The following FANK1 variants were observed in gnomAD, a reference collection of about 807,000 sequenced individuals.
The protein encoded by FANK1 is fibronectin type III and ankyrin repeat domains 1, also known as fibronectin type 3 and ankyrin repeat domains protein 1.
Under a neutral mutation model 45.3 loss-of-function variants are expected in FANK1, and 44 were observed. That is an observed-to-expected ratio of 0.97 (90% CI 0.76 to 1.25). The LOEUF is 1.25. FANK1 is among the 50% of genes most tolerant of loss of function. FANK1 has a pLI of 0.00. For missense variants in FANK1, 391 were observed against 424.4 expected (o/e 0.92, Z 0.69); for synonymous variants, 149 against 152.5 (o/e 0.98, Z 0.17).
At position 126,009,229 on chromosome 10, in the gene FANK1, A is replaced by G. The variant is rs1338474772; in HGVS notation, c.935A>G (p.Lys312Arg). The G allele has an allele frequency of 6.2e-7, 1 of 1,614,156 alleles. No individual in the cohort carries two copies. The highest frequency in any genetic ancestry group is 8.5e-7 in the Non-Finnish European group (1 of 1,180,026). Residue 312 changes from lysine to arginine, a missense_variant, in exon 10 of 11, where the codon AAA becomes AGA. Physicochemically the swap from Lys to Arg is conservative, Grantham distance 26 (BLOSUM62 2). Transcript: ENST00000368693. Reference sequence around the variant, plus strand: ...TGTTGTTTCCTGTTTCAGTTCGGCAAAGGTGTCCTAGAAATGGCCAGAGTT... The same window carrying G: ...TGTTGTTTCCTGTTTCAGTTCGGCAGAGGTGTCCTAGAAATGGCCAGAGTT... Reference protein sequence around the residue: ...ADASVKNEFGKGVLEMARVFD... With the variant: ...ADASVKNEFGRGVLEMARVFD...
chr10:125,909,183 C>A (rs1486823373), intron 1 of FANK1, among the ~76,000 whole-genome samples: 1 of 152,098 alleles, frequency 6.6e-6, no homozygotes, highest in Non-Finnish European at 1.5e-5. Flanking sequence ...TGGAAGCTGC[C>A]ATGTGTTTTA....
At chr10:126,007,600 A>G (rs1953317347) in intron 7 of FANK1, among the ~76,000 whole-genome samples, 1 of 152,084 alleles carries the variant, frequency 6.6e-6, no homozygotes, top group South Asian at 2.1e-4. Context: ...AAAGCTATGG[A>G]TCATCTTTGA....
At chr10:125,957,506 T>C (rs372920932) in intron 1 of FANK1, among the ~76,000 whole-genome samples, 16 of 152,046 alleles carry the variant, frequency 1.1e-4, no homozygotes, top group African/African-American at 3.1e-4. Context: ...GCTTGGTTTA[T>C]GTTAAGCTTT....
intron 1 of FANK1, among the ~76,000 whole-genome samples, chr10:125,903,255 C>G (rs1945197571): frequency 6.6e-6 from 1 of 152,242 alleles, no homozygotes; most frequent in Admixed American, 6.5e-5. Flanking sequence ...CAGCATCATC[C>G]CAGAATGACC....
At chr10:125,974,818 T>C (rs1031234461) in intron 1 of FANK1, 2 of 152,240 alleles carry the variant, frequency 1.3e-5, no homozygotes, top group African/African-American at 2.4e-5. Flanking sequence ...ACTGTAGTAA[T>C]GTCCTATGTG....
At chr10:125,942,792 C>G (rs1315522635) in intron 1 of FANK1, among the ~76,000 whole-genome samples, 6 of 146,616 alleles carry the variant, frequency 4.1e-5, no homozygotes, top group Non-Finnish European at 7.5e-5. Context: ...TTCATTAGAT[C>G]TGAAATTTTT....
chr10:125,913,771 G>T (rs1397848783), intron 1 of FANK1, among the ~76,000 whole-genome samples: 1 of 152,192 alleles, frequency 6.6e-6, no homozygotes, highest in Non-Finnish European at 1.5e-5. Flanking sequence ...TATCAGGGGA[G>T]GCTGAGACCC....
At chr10:125,955,769 G>A (rs893055068) in intron 1 of FANK1, among the ~76,000 whole-genome samples, 4 of 152,112 alleles carry the variant, frequency 2.6e-5, no homozygotes, top group Non-Finnish European at 5.9e-5. Context: ...ACTGTGCCTG[G>A]CCCCATCTTA....
intron 7 of FANK1, among the ~76,000 whole-genome samples, chr10:126,007,805 T>C (rs1232824170): frequency 6.6e-6 from 1 of 152,272 alleles, no homozygotes; most frequent in Non-Finnish European, 1.5e-5. Flanking sequence ...ATTTACATTT[T>C]CTTAATCTAA....
intron 1 of FANK1, among the ~76,000 whole-genome samples, chr10:125,934,273 CTG>C (rs1469168465): frequency 1.3e-5 from 2 of 152,106 alleles, no homozygotes; most frequent in Admixed American, 6.5e-5. Context: ...AGCAGGAAGA[CTG>C]TTTTTATAAT....
intron 1 of FANK1, among the ~76,000 whole-genome samples, chr10:125,910,822 TAGG>T (rs1369434267): frequency 1.3e-5 from 2 of 151,942 alleles, no homozygotes; most frequent in Non-Finnish European, 2.9e-5. Flanking sequence ...ATCATGAGGT[TAGG>T]AGATTGAGAC....
chr10:125,987,175 G>A (rs532563042), intron 2 of FANK1, among the ~76,000 whole-genome samples: 1 of 152,258 alleles, frequency 6.6e-6, no homozygotes, highest in South Asian at 2.1e-4. Flanking sequence ...TCAACTCAGT[G>A]TTGACAGGTT....
chr10:126,007,759 A>T (rs1953341298), intron 7 of FANK1, among the ~76,000 whole-genome samples: 1 of 152,188 alleles, frequency 6.6e-6, no homozygotes, highest in South Asian at 2.1e-4. Flanking sequence ...CTCTTCATGG[A>T]TTGGCGATGT....
chr10:125,973,509 T>C (rs1448763590), intron 1 of FANK1: 6 of 968,448 alleles, frequency 6.2e-6, no homozygotes, highest in African/African-American at 5.3e-5. Context: ...AGTGTCTGGT[T>C]CAGTAGTTCC....
At chr10:126,008,571 T>G in intron 8 of FANK1, 21 bp downstream of exon 8, 2 of 1,591,656 alleles carry the variant, frequency 1.3e-6, no homozygotes, top group Non-Finnish European at 1.7e-6. Context: ...CTCCCGAAAA[T>G]AGGCAGTTTT....
intron 1 of FANK1, among the ~76,000 whole-genome samples, chr10:125,958,902 CA>C (rs1227053851): frequency 3.9e-5 from 6 of 152,110 alleles, no homozygotes; most frequent in Non-Finnish European, 8.8e-5. Flanking sequence ...TTGAATTAAG[CA>C]GAAATTTTAT....
At chr10:125,960,375 T>A in intron 1 of FANK1, 1 of 201,806 alleles carries the variant, frequency 5.0e-6, no homozygotes. Context: ...CACCAGGCGC[T>A]GCAGGGCACT....
intron 1 of FANK1, among the ~76,000 whole-genome samples, chr10:125,946,625 C>T (rs1178766322): frequency 1.3e-5 from 2 of 150,612 alleles, no homozygotes; most frequent in African/African-American, 4.9e-5. Context: ...ACCAAATCTA[C>T]GTCTGATTGG....
chr10:125,910,914 G>T (rs1043858246), intron 1 of FANK1, among the ~76,000 whole-genome samples: 1 of 151,806 alleles, frequency 6.6e-6, no homozygotes, highest in African/African-American at 2.4e-5. Context: ...TGTGCCTGTA[G>T]TTCCAGTTAC....
Sources: allele counts gnomAD v4.1 joint callset (sites outside exome capture counted in the v4.1 genomes callset), GRCh38; gene constraint gnomAD v4.1.1; transcripts MANE v1.5; gene names NCBI Gene and HGNC (gene_info 2026-07-23, HGNC 2026-07-21).